AOAH: variants seen among roughly 807,000 people sequenced by gnomAD.
The protein encoded by AOAH is acyloxyacyl hydrolase (neutrophil).
AOAH carries 64 observed loss-of-function variants against 92.2 expected under a neutral mutation model. The observed-to-expected ratio is 0.69, with a 90% CI of 0.57 to 0.86. The LOEUF is 0.86. AOAH is among the 40% of genes least tolerant of loss of function. The probability of loss-of-function intolerance (pLI) is 0.00; values close to 1 mark genes in which losing one functional copy is unlikely to be tolerated. For synonymous variants in AOAH, 263 were observed against 254.5 expected, an observed-to-expected ratio of 1.03 and a Z score of -0.32; for missense variants, 656 against 694.6, an observed-to-expected ratio of 0.94 and a Z score of 0.62.
intron 20 of AOAH, among the ~76,000 whole-genome samples, chr7:36,517,618 T>G (rs1183778695): frequency 1.7e-5 from 2 of 115,050 alleles, no homozygotes; most frequent in Non-Finnish European, 3.6e-5. Context: ...TTTTTTTTTT[T>G]GAGATGGAAT....
intron 13 of AOAH, among the ~76,000 whole-genome samples, chr7:36,574,398 T>C (rs909130468): frequency 2.6e-5 from 4 of 152,220 alleles, no homozygotes; most frequent in East Asian, 3.8e-4. Flanking sequence ...AAAGGAGTGT[T>C]GTCAAGACAG....
chr7:36,694,976 G>A (rs1285006745), intron 1 of AOAH, among the ~76,000 whole-genome samples: 1 of 152,076 alleles, frequency 6.6e-6, no homozygotes, highest in East Asian at 1.9e-4. Context: ...TTTACACTCT[G>A]CCCAATATTA....
chr7:36,562,077 G>T (rs1030279630), intron 13 of AOAH, among the ~76,000 whole-genome samples: 2 of 152,114 alleles, frequency 1.3e-5, no homozygotes, highest in Admixed American at 1.3e-4. Flanking sequence ...AAGTTCTTGC[G>T]CCTTCCACTA....
intron 15 of AOAH, among the ~76,000 whole-genome samples, chr7:36,545,277 T>C (rs1365670836): frequency 6.6e-6 from 1 of 152,118 alleles, no homozygotes; most frequent in Non-Finnish European, 1.5e-5. Context: ...CCCTTAAAAG[T>C]GGGTGTGGCC....
chr7:36,687,975 T>G (rs1386184723), intron 1 of AOAH, among the ~76,000 whole-genome samples: 1 of 152,244 alleles, frequency 6.6e-6, no homozygotes, highest in Non-Finnish European at 1.5e-5. Flanking sequence ...GATGGTGTTT[T>G]GGCCTCGATG....
intron 4 of AOAH, among the ~76,000 whole-genome samples, chr7:36,655,989 G>T (rs1251131360): frequency 6.6e-6 from 1 of 152,158 alleles, no homozygotes; most frequent in East Asian, 1.9e-4. Context: ...AGCCATGAAC[G>T]ATGGGGAGGA....
chr7:36,713,653 T>C (rs1423201106), intron 1 of AOAH, among the ~76,000 whole-genome samples: 2 of 152,112 alleles, frequency 1.3e-5, no homozygotes, highest in African/African-American at 4.8e-5. Context: ...GCAATCAAAC[T>C]AGAACTCAGG....
chr7:36,591,250 T>A (rs1358951362), intron 12 of AOAH, among the ~76,000 whole-genome samples: 2 of 152,148 alleles, frequency 1.3e-5, no homozygotes, highest in Non-Finnish European at 2.9e-5. Flanking sequence ...GAAAGAAAAG[T>A]TCCTGCAGGG....
intron 1 of AOAH, among the ~76,000 whole-genome samples, chr7:36,705,385 TG>T (rs1798332911): frequency 2.0e-5 from 3 of 152,178 alleles, no homozygotes; most frequent in South Asian, 2.1e-4. Flanking sequence ...CATTCACAAT[TG>T]CTACAAAGAG....
At chr7:36,532,918 T>C (rs1418802258) in intron 16 of AOAH, among the ~76,000 whole-genome samples, 1 of 152,116 alleles carries the variant, frequency 6.6e-6, no homozygotes, top group Admixed American at 6.5e-5. Flanking sequence ...AAATACTTGG[T>C]TGGCCCATGG....
intron 11 of AOAH, among the ~76,000 whole-genome samples, chr7:36,607,040 CCTAAT>C (rs2115791843): frequency 6.6e-6 from 1 of 152,248 alleles, no homozygotes; most frequent in South Asian, 2.1e-4. Context: ...TGAATACACT[CCTAAT>C]CTAATTAGCT....
At chr7:36,712,735 TTCAG>T (rs1453965794) in intron 1 of AOAH, among the ~76,000 whole-genome samples, 4 of 152,050 alleles carry the variant, frequency 2.6e-5, no homozygotes, top group Admixed American at 6.6e-5. Flanking sequence ...CAAACTAAGC[TTCAG>T]AAGTGAAGGA....
At chr7:36,573,109 C>T (rs1010726006) in intron 13 of AOAH, among the ~76,000 whole-genome samples, 6 of 152,212 alleles carry the variant, frequency 3.9e-5, no homozygotes, top group African/African-American at 1.2e-4. Context: ...CTACTTTATA[C>T]CCCAAGGAAA....
chr7:36,672,284 G>A (rs920407395), intron 3 of AOAH, among the ~76,000 whole-genome samples: 1 of 152,192 alleles, frequency 6.6e-6, no homozygotes. Flanking sequence ...CTGTTGTAGA[G>A]GGGGGATGCT....
intron 4 of AOAH, among the ~76,000 whole-genome samples, chr7:36,648,410 T>C (rs547179736): frequency 3.3e-5 from 5 of 149,474 alleles, no homozygotes; most frequent in African/African-American, 9.9e-5. Context: ...TTGTGGCCTT[T>C]GCTGACTTTT....
chr7:36,597,618 C>T (rs1336511683), intron 11 of AOAH, among the ~76,000 whole-genome samples: 3 of 152,136 alleles, frequency 2.0e-5, no homozygotes, highest in Admixed American at 1.3e-4. Context: ...TGGTTCTTTT[C>T]CACCCCACTC....
intron 12 of AOAH, among the ~76,000 whole-genome samples, chr7:36,592,378 A>G (rs766399106): frequency 3.9e-5 from 6 of 152,156 alleles, no homozygotes. Flanking sequence ...AAAGTCCCAG[A>G]TGTCTGTGCT....
intron 2 of AOAH, among the ~76,000 whole-genome samples, chr7:36,686,136 A>G (rs1048531824): frequency 1.3e-4 from 20 of 152,230 alleles, no homozygotes; most frequent in African/African-American, 4.6e-4. Context: ...TGAAAAAGAA[A>G]TATGCAACTT....
chr7:36,553,736 A>G (rs926996621), intron 13 of AOAH, among the ~76,000 whole-genome samples: 1 of 151,862 alleles, frequency 6.6e-6, no homozygotes, highest in Non-Finnish European at 1.5e-5. Flanking sequence ...TCTGATGGTC[A>G]GTGATGAGCA....
Sources: gnomAD v4.1 joint callset for allele counts (sites outside exome capture counted in the v4.1 genomes callset) on GRCh38, gnomAD v4.1.1 for gene constraint, MANE v1.5 for transcripts, NCBI Gene and HGNC (gene_info 2026-07-23, HGNC 2026-07-21) for gene names.